LSM3: variants seen among roughly 807,000 people sequenced by gnomAD.
The protein encoded by LSM3 is LSM3 homolog, U6 small nuclear RNA and mRNA degradation associated.
In LSM3, 14 loss-of-function variants were observed where a neutral mutation model predicts 15.4. The observed-to-expected ratio is 0.91, with a 90% CI of 0.60 to 1.42. The LOEUF (loss-of-function observed/expected upper bound fraction) is 1.42, where lower values mean the gene tolerates loss of function less well. Among genes scored for constraint, LSM3 ranks in the 40% most tolerant of loss-of-function variants. The pLI, the probability that LSM3 is intolerant of heterozygous loss-of-function variation, is 0.00. For synonymous variants in LSM3, 46 were observed against 45.1 expected (o/e 1.02, Z -0.08); for missense variants, 88 against 127.9 (o/e 0.69, Z 1.50).
At chr3:14,195,659 C>G (rs1467478152) in intron 3 of LSM3, among the ~76,000 whole-genome samples, 1 of 152,200 alleles carries the variant, frequency 6.6e-6, no homozygotes, top group African/African-American at 2.4e-5. Flanking sequence ...TAGCAATGGT[C>G]TTCCCTGAGA....
intron 1 of LSM3, 35 bp downstream of exon 1, chr3:14,178,916 T>G: frequency 1.2e-6 from 2 of 1,613,062 alleles, no homozygotes; most frequent in Non-Finnish European, 1.7e-6. Flanking sequence ...TCGAAGGAGC[T>G]TCTTGTACTA....
chr3:14,188,544 T>C (rs1276804181), intron 3 of LSM3, among the ~76,000 whole-genome samples: 1 of 152,214 alleles, frequency 6.6e-6, no homozygotes, highest in Non-Finnish European at 1.5e-5. Context: ...CCCCCAGACA[T>C]AAGCACTATT....
chr3:14,185,118 A>T (rs547840228), intron 3 of LSM3, among the ~76,000 whole-genome samples: 2 of 152,244 alleles, frequency 1.3e-5, no homozygotes, highest in South Asian at 4.1e-4. Context: ...TGGGAGGCCA[A>T]AGCGGGTGGA....
At chr3:14,180,580 G>A (rs967204896) in intron 1 of LSM3, among the ~76,000 whole-genome samples, 1 of 152,078 alleles carries the variant, frequency 6.6e-6, no homozygotes, top group African/African-American at 2.4e-5. Flanking sequence ...GAGCCACCAC[G>A]CCCGGCCAAT....
At chr3:14,184,920 G>A (rs552478355) in intron 3 of LSM3, among the ~76,000 whole-genome samples, 10 of 150,910 alleles carry the variant, frequency 6.6e-5, no homozygotes, top group Non-Finnish European at 1.2e-4. Flanking sequence ...AGCTGGGTGT[G>A]GTGGCATATA....
chr3:14,191,143 G>A (rs903513054), intron 3 of LSM3, among the ~76,000 whole-genome samples: 2 of 152,104 alleles, frequency 1.3e-5, no homozygotes, highest in African/African-American at 2.4e-5. Context: ...TGACTTGATC[G>A]TGGTGGATCA....
At position 14,198,847 on chromosome 3, in the gene LSM3, A is replaced by G. The variant is rs1379688029; in HGVS notation, c.*731A>G. 6.9e-6 allele frequency: 1 copy of G among 145,352 alleles called. No homozygotes were observed. The highest frequency in any genetic ancestry group is 1.5e-5 in the Non-Finnish European group (1 of 66,778). 9.0% of individuals were successfully genotyped at this position (145,352 alleles called of 1,614,324 possible). On this transcript the variant is annotated 3_prime_UTR_variant, in exon 4 of 4. Transcript: ENST00000306024. ...ACTTCAACCTGGTCAACAGAGCGAG[A>G]CTCCGTGTCAAAAAAAAAAAAAAAA...
At chr3:14,184,411 CTTAA>C (rs1299956428) in intron 3 of LSM3, among the ~76,000 whole-genome samples, 5 of 152,130 alleles carry the variant, frequency 3.3e-5, no homozygotes, top group African/African-American at 9.7e-5. Context: ...TCTATTAATA[CTTAA>C]TTTATTAGAA....
intron 3 of LSM3, among the ~76,000 whole-genome samples, chr3:14,186,405 T>G (rs533374814): frequency 6.6e-6 from 1 of 152,358 alleles, no homozygotes; most frequent in Admixed American, 6.5e-5. Flanking sequence ...TTCATACAAC[T>G]GTGGAGGATT....
At chr3:14,190,865 G>A (rs985476808) in intron 3 of LSM3, among the ~76,000 whole-genome samples, 3 of 152,074 alleles carry the variant, frequency 2.0e-5, no homozygotes, top group African/African-American at 7.2e-5. Context: ...GTCTTGTGCC[G>A]GTTTTCAGAG....
chr3:14,188,394 T>C (rs1457965685), intron 3 of LSM3, among the ~76,000 whole-genome samples: 5 of 152,226 alleles, frequency 3.3e-5, no homozygotes, highest in East Asian at 3.8e-4. Flanking sequence ...TTCTTACTCA[T>C]TTTAAATTGC....
chr3:14,188,926 A>G (rs188435100), intron 3 of LSM3, among the ~76,000 whole-genome samples: 2 of 152,016 alleles, frequency 1.3e-5, no homozygotes, highest in East Asian at 3.9e-4. Context: ...CACCTACATT[A>G]TTTCTCCTAA....
chr3:14,194,263 C>T (rs1697168181), intron 3 of LSM3, among the ~76,000 whole-genome samples: 1 of 152,142 alleles, frequency 6.6e-6, no homozygotes, highest in African/African-American at 2.4e-5. Context: ...GCAGACTGAC[C>T]CTTAGCAGAG....
chr3:14,184,235 T>C (rs934175491), intron 3 of LSM3, among the ~76,000 whole-genome samples: 4 of 152,152 alleles, frequency 2.6e-5, no homozygotes. Context: ...TGGGCTACCT[T>C]GGGCAAGGGA....
At position 14,180,856 on chromosome 3, in the gene LSM3, TTAAA is replaced by T. The variant is rs1559390241; in HGVS notation, c.22-703_22-700del. Among the ~76,000 whole-genome samples the T allele has an allele frequency of 9.0e-3, 715 of 79,762 alleles. 17 individuals carry two copies. The highest frequency in any genetic ancestry group is 0.014 in the Non-Finnish European group (586 of 41,496). 52.3% of individuals were successfully genotyped at this position (79,762 alleles called of 152,430 possible). A position where few individuals can be genotyped will look rare whatever the true frequency, so the allele number is the denominator to read the frequency against. ...TTTTTTTTTTTTTTTTTTTTTTTTT[TTAAA>T]AAAAAAAAAGACAAGAGTCTCACTC... On this transcript the variant is annotated intron_variant, in intron 1 of 3. Transcript: ENST00000306024.
chr3:14,181,444 T>G (rs1697037667), intron 1 of LSM3, 116 bp from the exon 2 acceptor site: 2 of 700,592 alleles, frequency 2.9e-6, no homozygotes, highest in Non-Finnish European at 5.2e-6. Flanking sequence ...TTTTACAGAT[T>G]AGGAGACTGA....
chr3:14,188,586 A>T (rs948190339), intron 3 of LSM3, among the ~76,000 whole-genome samples: 1 of 152,086 alleles, frequency 6.6e-6, no homozygotes, highest in Non-Finnish European at 1.5e-5. Flanking sequence ...TCGTGTCTTT[A>T]TGCATATGCT....
chr3:14,188,606 T>G (rs1697112236), intron 3 of LSM3, among the ~76,000 whole-genome samples: 2 of 152,068 alleles, frequency 1.3e-5, no homozygotes, highest in Non-Finnish European at 2.9e-5. Flanking sequence ...TAATGAGTGT[T>G]AGTTATTCTC....
At chr3:14,181,714 A>G (rs746065000) in intron 2 of LSM3, 44 bp downstream of exon 2, 1 of 1,339,530 alleles carries the variant, frequency 7.5e-7, no homozygotes, top group East Asian at 2.3e-5. Flanking sequence ...ATTCCTTCCT[A>G]CCCCCACTCC....
Sources: gnomAD v4.1 joint callset for allele counts (sites outside exome capture counted in the v4.1 genomes callset) on GRCh38, gnomAD v4.1.1 for gene constraint, MANE v1.5 for transcripts, NCBI Gene and HGNC (gene_info 2026-07-23, HGNC 2026-07-21) for gene names.